The following ZNF169 variants were observed in gnomAD, a reference collection of about 807,000 sequenced individuals.
ZNF169 encodes zinc finger protein 169.
Under a neutral mutation model 12.0 loss-of-function variants are expected in ZNF169, and 11 were observed. The ratio of observed to expected loss-of-function variants is 0.92; its 90% CI spans 0.58 to 1.52. The LOEUF is 1.52. ZNF169 is among the 40% of genes most tolerant of loss of function. The pLI is 0.00. For synonymous variants in ZNF169, 302 were observed against 286.5 expected (o/e 1.05, Z -0.55); for missense variants, 722 against 744.0 (o/e 0.97, Z 0.34).
intron 2 of ZNF169, among the ~76,000 whole-genome samples, chr9:94,280,635 A>G (rs1279131761): frequency 2.0e-5 from 3 of 152,338 alleles, no homozygotes; most frequent in Non-Finnish European, 4.4e-5. Context: ...CGAATGGAGT[A>G]ATGGTGAGAG....
chr9:94,279,531 T>G (rs1452292773), intron 2 of ZNF169, among the ~76,000 whole-genome samples: 1 of 151,352 alleles, frequency 6.6e-6, no homozygotes, highest in South Asian at 2.1e-4. Flanking sequence ...TCCCAGATAC[T>G]GGGGAGGCTG....
intron 1 of ZNF169, among the ~76,000 whole-genome samples, chr9:94,260,004 C>A (rs1830171749): frequency 6.6e-6 from 1 of 152,100 alleles, no homozygotes; most frequent in Non-Finnish European, 1.5e-5. Context: ...CCCCAGCCGC[C>A]GGGTTCAAGC....
intron 4 of ZNF169, among the ~76,000 whole-genome samples, chr9:94,298,665 G>T (rs1023175802): frequency 2.7e-5 from 4 of 150,244 alleles, no homozygotes; most frequent in Non-Finnish European, 5.9e-5. Context: ...TGAACCAGAG[G>T]TTGCAGTCAG....
At position 94,300,531 on chromosome 9, in the gene ZNF169, C is replaced by T. The variant is rs146740357; in HGVS notation, c.973C>T (p.Arg325Ter). Reference sequence around the variant, plus strand: ...GCCCTTTGTATGTCAGGAGTGTGGGCGAGGCTTTCGCCAGAAGATAGCCCT... The same window carrying T: ...GCCCTTTGTATGTCAGGAGTGTGGGTGAGGCTTTCGCCAGAAGATAGCCCT... ...ERPFVCQECG[R>*]GFRQKIALLL... The change falls in exon 5 of 5, where the codon CGA (arginine) becomes TGA (stop). Residue 325 changes from arginine (R) to a stop codon, truncating the protein, a stop_gained. Transcript: ENST00000395395. LOFTEE classifies it low-confidence loss of function (END_TRUNC). 5.5e-5 allele frequency: 88 copies of T among 1,613,916 alleles called. No individual in the cohort carries two copies. The highest frequency in any genetic ancestry group is 7.0e-5 in the Non-Finnish European group (83 of 1,180,020).
chr9:94,268,093 C>T (rs926077437), intron 1 of ZNF169, among the ~76,000 whole-genome samples: 13 of 151,966 alleles, frequency 8.6e-5, no homozygotes, highest in South Asian at 2.1e-4. Flanking sequence ...TGGTCTTGAA[C>T]GCCCGACCTC....
intron 1 of ZNF169, 72 bp from the exon 2 acceptor site, chr9:94,278,686 A>T: frequency 1.2e-6 from 1 of 815,604 alleles, no homozygotes; most frequent in South Asian, 1.7e-5. Flanking sequence ...TCCCTACTGA[A>T]TTGGGAGGCT....
intron 2 of ZNF169, among the ~76,000 whole-genome samples, chr9:94,280,777 C>T (rs7027606): frequency 0.12 from 18,068 of 151,798 alleles, 1,679 homozygotes; most frequent in East Asian, 0.37. Context: ...TTAAAGAGAG[C>T]GGGGGTACCA....
intron 1 of ZNF169, among the ~76,000 whole-genome samples, chr9:94,270,908 T>A (rs1227183974): frequency 6.5e-5 from 1 of 15,286 alleles, no homozygotes; most frequent in African/African-American, 5.1e-4. Flanking sequence ...AATATATATA[T>A]TATATTATAT....
At chr9:94,269,498 G>A (rs749103491) in intron 1 of ZNF169, among the ~76,000 whole-genome samples, 1 of 152,174 alleles carries the variant, frequency 6.6e-6, no homozygotes, top group Non-Finnish European at 1.5e-5. Flanking sequence ...TCACCCGGCA[G>A]CTGCTGGAAT....
intron 1 of ZNF169, among the ~76,000 whole-genome samples, chr9:94,270,696 TTTATA>T (rs1830376316): frequency 4.8e-5 from 1 of 20,898 alleles, no homozygotes; most frequent in Non-Finnish European, 1.6e-4. Flanking sequence ...AAATATATAA[TTTATA>T]TAATTATATA....
At chr9:94,281,062 T>C (rs903712151) in intron 2 of ZNF169, among the ~76,000 whole-genome samples, 6 of 152,258 alleles carry the variant, frequency 3.9e-5, no homozygotes. Flanking sequence ...GAGTTCACTA[T>C]ATCTAACATC....
chr9:94,276,175 T>C (rs1041896240), intron 1 of ZNF169, among the ~76,000 whole-genome samples: 1 of 152,202 alleles, frequency 6.6e-6, no homozygotes, highest in African/African-American at 2.4e-5. Flanking sequence ...ACTGATTTTT[T>C]AAATGTTGTC....
intron 4 of ZNF169, among the ~76,000 whole-genome samples, chr9:94,299,215 G>T (rs1460107825): frequency 6.6e-6 from 1 of 152,202 alleles, no homozygotes; most frequent in Non-Finnish European, 1.5e-5. Flanking sequence ...GAGGACTTAA[G>T]GGTGTCCATA....
At chr9:94,277,933 AAAAAAAAAAG>A (rs1289396556) in intron 1 of ZNF169, among the ~76,000 whole-genome samples, 1 of 145,250 alleles carries the variant, frequency 6.9e-6, no homozygotes, top group African/African-American at 2.6e-5. Context: ...CTCCGACTCA[AAAAAAAAAAG>A]AAAAAAGAAA....
intron 4 of ZNF169, chr9:94,299,596 A>T: frequency 7.3e-7 from 1 of 1,372,138 alleles, no homozygotes; most frequent in South Asian, 2.0e-5. Flanking sequence ...GCAGCAATTT[A>T]TAGAGCTGAA....
chr9:94,288,203 T>C, intron 2 of ZNF169: 1 of 806,300 alleles, frequency 1.2e-6, no homozygotes, highest in Non-Finnish European at 2.2e-6. Context: ...ACTTGTACCC[T>C]GTCTTGATTT....
chr9:94,285,739 G>A (rs1047910601), intron 2 of ZNF169, among the ~76,000 whole-genome samples: 1 of 152,174 alleles, frequency 6.6e-6, no homozygotes, highest in Non-Finnish European at 1.5e-5. Context: ...GCCAGGCACG[G>A]TAGCTCACGC....
chr9:94,290,363 T>A (rs2118636064), intron 2 of ZNF169, among the ~76,000 whole-genome samples: 1 of 152,334 alleles, frequency 6.6e-6, no homozygotes, highest in Non-Finnish European at 1.5e-5. Context: ...TTTTTCATTA[T>A]CCCAAATAGA....
At chr9:94,298,291 C>T (rs559894517) in intron 4 of ZNF169, among the ~76,000 whole-genome samples, 5 of 152,138 alleles carry the variant, frequency 3.3e-5, no homozygotes, top group Admixed American at 6.5e-5. Context: ...CCTTATTTTT[C>T]TCTTACCAAA....
Sources: allele counts gnomAD v4.1 joint callset (sites outside exome capture counted in the v4.1 genomes callset), GRCh38; gene constraint gnomAD v4.1.1; transcripts MANE v1.5; gene names NCBI Gene and HGNC (gene_info 2026-07-23, HGNC 2026-07-21).